Variants in AGL observed in about 807,000 individuals in gnomAD.
The protein encoded by AGL is amylo-alpha-1,6-glucosidase and 4-alpha-glucanotransferase.
Under a neutral mutation model 199.3 loss-of-function variants are expected in AGL, and 128 were observed. The observed-to-expected ratio is 0.64, with a 90% CI of 0.56 to 0.74. AGL has a LOEUF of 0.74. Ranked by LOEUF, AGL falls within the 30% of genes least tolerant of loss-of-function variation. The pLI is 0.00. For missense variants in AGL, 1,809 were observed against 1,820.8 expected (o/e 0.99, Z 0.12); for synonymous variants, 584 against 594.7 (o/e 0.98, Z 0.26).
At chr1:99,875,479 T>C in intron 10 of AGL, 24 bp downstream of exon 10, 1 of 1,588,964 alleles carries the variant, frequency 6.3e-7, no homozygotes, top group African/African-American at 1.3e-5. Context: ...GTTTTTTTTC[T>C]TATTGATGGT....
At chr1:99,866,578 G>A (rs975466856) in intron 5 of AGL, among the ~76,000 whole-genome samples, 10 of 152,250 alleles carry the variant, frequency 6.6e-5, no homozygotes, top group South Asian at 2.1e-4. Context: ...GACCTGCAGC[G>A]TAGTCTTGAG....
At chr1:99,872,806 C>T (rs1326290444) in intron 7 of AGL, among the ~76,000 whole-genome samples, 1 of 152,180 alleles carries the variant, frequency 6.6e-6, no homozygotes, top group African/African-American at 2.4e-5. Context: ...GGATTACAGG[C>T]GTGAGCCACC....
At chr1:99,881,888 C>T (rs1652064816) in intron 17 of AGL, among the ~76,000 whole-genome samples, 197 bp downstream of exon 17, 1 of 151,906 alleles carries the variant, frequency 6.6e-6, no homozygotes, top group Non-Finnish European at 1.5e-5. Flanking sequence ...ATCCCAACAC[C>T]TCAGGAGGCT....
rs753659820 is a variant in AGL, at chr1:99,875,167, G to A, written c.1096G>A (p.Ala366Thr). The A allele has an allele frequency of 1.8e-5, 29 of 1,613,996 alleles. No individual in the cohort carries two copies. The highest frequency in any genetic ancestry group is 6.7e-5 in the Admixed American group (4 of 60,016). The change falls in exon 9 of 34, where the codon GCA becomes ACA. Residue 366 changes from alanine to threonine, a missense_variant. By Grantham distance (58) the Ala-to-Thr change is moderately conservative (BLOSUM62 0). Transcript: ENST00000361915. Reference sequence around the variant, plus strand: ...CATCTGCTCTAGCAAGGGGCCAGCAGCAATTGAAGAATGCTGTAATTGGTT... The same window carrying A: ...CATCTGCTCTAGCAAGGGGCCAGCAACAATTGAAGAATGCTGTAATTGGTT... ...TFIPHDKGPA[A>T]IEECCNWFHK... is the part of the protein sequence containing the mutation.
rs772038934 is a variant in AGL, at chr1:99,884,596, C to A, written c.2574C>A (p.Val858=). Residue 858 remains valine, a synonymous_variant, in exon 20 of 34, where the codon GTC becomes GTA. Coordinates refer to ENST00000361915, the MANE Select transcript of AGL (RefSeq NM_000642.3). ...FRVSLDPHAQ[V]AVGILRNHLT... ...TTAGTCTTGATCCACATGCACAAGTCGCTGTTGGAATTCTTCGAAATCATC... is the reference window on the plus strand; with the variant it reads ...TTAGTCTTGATCCACATGCACAAGTAGCTGTTGGAATTCTTCGAAATCATC... 1 of 1,613,832 alleles carries A rather than the reference C, an allele frequency of 6.2e-7. No homozygotes were observed. Among genetic ancestry groups the A allele is most frequent in the East Asian group, 2.2e-5 (1 of 44,848 alleles).
chr1:99,911,441 ATT>A (rs1654745680), intron 28 of AGL, among the ~76,000 whole-genome samples: 1 of 152,116 alleles, frequency 6.6e-6, no homozygotes. Context: ...TTATTTTCTT[ATT>A]CTAATTTTTT....
intron 31 of AGL, among the ~76,000 whole-genome samples, chr1:99,916,183 T>C (rs1205150531): frequency 6.6e-6 from 1 of 152,190 alleles, no homozygotes; most frequent in Non-Finnish European, 1.5e-5. Flanking sequence ...TTTACATTTT[T>C]TATATTAACC....
chr1:99,917,586 G>C (rs545892541), intron 33 of AGL, among the ~76,000 whole-genome samples: 123 of 152,200 alleles, frequency 8.1e-4, no homozygotes, highest in Admixed American at 2.0e-3. Flanking sequence ...TTAAATGTTT[G>C]TTGTCTGTTT....
Position 99,864,666 on chromosome 1 carries a change from A to C in AGL, c.664+77A>C, listed in dbSNP as rs1005532114. 3.0e-6 allele frequency: 4 copies of C among 1,325,324 alleles called. No individual in the cohort carries two copies. The Admixed American group carries it at 7.2e-5, about 24-fold the overall frequency. The allele number at this position is 1,325,324 out of a possible 1,614,324, so 82.1% of individuals were successfully genotyped here. Reference sequence around the variant, plus strand: ...CACACATATACACACAAATAAGAGAAAGGAAGAAAGAAAGAGAAAGGAAAG... The same window carrying C: ...CACACATATACACACAAATAAGAGACAGGAAGAAAGAAAGAGAAAGGAAAG... On this transcript the variant is annotated intron_variant, in intron 5 of 33. Coordinates refer to ENST00000361915, the MANE Select transcript of AGL (RefSeq NM_000642.3).
chr1:99,907,859 G>A (rs1654437740), intron 27 of AGL, among the ~76,000 whole-genome samples: 4 of 151,426 alleles, frequency 2.6e-5, no homozygotes. Context: ...TTGAATTTAG[G>A]GAATGAATTG....
chr1:99,852,926 A>G (rs1233756914), intron 2 of AGL, among the ~76,000 whole-genome samples: 1 of 152,176 alleles, frequency 6.6e-6, no homozygotes, highest in East Asian at 1.9e-4. Flanking sequence ...AGCATGTCCA[A>G]AAATATCCCC....
intron 31 of AGL, 45 bp downstream of exon 31, chr1:99,915,531 A>G: frequency 4.1e-6 from 6 of 1,469,058 alleles, no homozygotes; most frequent in Non-Finnish European, 5.7e-6. Flanking sequence ...TATTTAATCC[A>G]AATACATTGA....
chr1:99,910,246 C>T (rs1265762960), intron 27 of AGL, among the ~76,000 whole-genome samples: 1 of 152,150 alleles, frequency 6.6e-6, no homozygotes, highest in Non-Finnish European at 1.5e-5. Context: ...TCATCTCACC[C>T]TTCTGAGTCT....
chr1:99,874,657 A>C, intron 7 of AGL, 30 bp from the exon 8 acceptor site: 5 of 1,595,364 alleles, frequency 3.1e-6, no homozygotes, highest in Non-Finnish European at 4.3e-6. Flanking sequence ...AGATATTTGC[A>C]TTTAAGGTAT....
chr1:99,921,468 G>A, intron 33 of AGL, 66 bp from the exon 34 acceptor site: 2 of 1,141,240 alleles, frequency 1.8e-6, no homozygotes, highest in South Asian at 1.2e-5. Context: ...AAAATCACCA[G>A]GTCTTGCCTA....
At position 99,870,492 on chromosome 1, in the gene AGL, G is replaced by C. The variant is rs745379427; in HGVS notation, c.757G>C (p.Ala253Pro). The C allele has an allele frequency of 6.2e-7, 1 of 1,614,048 alleles. No homozygotes were observed. Among genetic ancestry groups the C allele is most frequent in the Non-Finnish European group, 8.5e-7 (1 of 1,179,970 alleles). ...AAAACCTGCCTGGGTCTTAGACAGA[G>C]CACTTTGGCGTTTCTCCTGTGATGT... is the stretch of plus-strand genomic sequence containing the variant. ...HLKPAWVLDR[A>P]LWRFSCDVAE... The change falls in exon 6 of 34, where the codon GCA becomes CCA. Residue 253 changes from alanine to proline, a missense_variant. By Grantham distance (27) the Ala-to-Pro change is conservative. Transcript: ENST00000361915.
At chr1:99,875,078 CT>C in intron 8 of AGL, 75 bp from the exon 9 acceptor site, 1 of 1,333,244 alleles carries the variant, frequency 7.5e-7, no homozygotes, top group Non-Finnish European at 1.1e-6. Context: ...TTTCTGTGAC[CT>C]TTGTTAGAAA....
rs1181110730 is a variant in AGL at position 99,895,296 on chromosome 1, G to A, written c.3260-990G>A. Among the ~76,000 whole-genome samples, 3 of 151,958 alleles carry A rather than the reference G, an allele frequency of 2.0e-5. No homozygotes were observed. In the South Asian group the frequency reaches 6.2e-4, roughly 31 times the overall value. On this transcript the variant is annotated intron_variant, in intron 24 of 33. Transcript: ENST00000361915. ...AATTCCTGACCTTACTGTTTTATAA[G>A]AAACCAAACTCAATCTTTAAGTAAA...
intron 5 of AGL, among the ~76,000 whole-genome samples, chr1:99,867,937 T>C (rs988690032): frequency 2.0e-5 from 3 of 152,206 alleles, no homozygotes; most frequent in South Asian, 2.1e-4. Flanking sequence ...CCAAGAACAC[T>C]GGGAACCCAT....
Sources: gnomAD v4.1 joint callset for allele counts (sites outside exome capture counted in the v4.1 genomes callset) on GRCh38, gnomAD v4.1.1 for gene constraint, MANE v1.5 for transcripts, NCBI Gene and HGNC (gene_info 2026-07-23, HGNC 2026-07-21) for gene names.